NF1: variants seen among roughly 807,000 people sequenced by gnomAD.
NF1 encodes neurofibromin.
A neutral mutation model predicts 325.7 loss-of-function variants in NF1; 122 were observed. The ratio of observed to expected loss-of-function variants is 0.37; its 90% CI spans 0.32 to 0.44. The LOEUF is 0.44. Among genes scored for constraint, NF1 ranks in the 20% least tolerant of loss-of-function variants. NF1 has a pLI of 1.00. For synonymous variants in NF1, 1,091 were observed against 1,186.0 expected, an observed-to-expected ratio of 0.92 and a Z score of 1.65; for missense variants, 2,140 against 3,415.4, an observed-to-expected ratio of 0.63 and a Z score of 9.31.
At chr17:31,153,050 C>T (rs1257408520) in intron 1 of NF1, among the ~76,000 whole-genome samples, 1 of 151,424 alleles carries the variant, frequency 6.6e-6, no homozygotes, top group East Asian at 1.9e-4. Context: ...TTTCAGAGAT[C>T]TCTTGTTCAT....
intron 36 of NF1, among the ~76,000 whole-genome samples, chr17:31,287,548 G>C (rs1211610780): frequency 9.6e-6 from 1 of 104,542 alleles, no homozygotes; most frequent in East Asian, 6.3e-4. Context: ...ATAACTGTGT[G>C]TGTGTGTGTG....
chr17:31,313,825 CTGAG>C (rs2068953214), intron 36 of NF1, among the ~76,000 whole-genome samples: 1 of 150,974 alleles, frequency 6.6e-6, no homozygotes, highest in African/African-American at 2.4e-5. Flanking sequence ...GCAAGCTGAA[CTGAG>C]TATTTTTTAA....
At chr17:31,369,973 A>G (rs971959613) in intron 57 of NF1, among the ~76,000 whole-genome samples, 2 of 152,146 alleles carry the variant, frequency 1.3e-5, no homozygotes, top group East Asian at 1.9e-4. Flanking sequence ...TTTTCAAGAT[A>G]TATTTTGGTG....
chr17:31,146,501 C>T (rs1916598868), intron 1 of NF1, among the ~76,000 whole-genome samples: 2 of 152,060 alleles, frequency 1.3e-5, no homozygotes. Context: ...AATAAATGGG[C>T]GATAATCAAG....
Position 31,338,820 on chromosome 17 carries a change from G to A in NF1, c.6921+15G>A, listed in dbSNP as rs371470834. The A allele has an allele frequency of 1.3e-6, 2 of 1,484,436 alleles. No homozygotes were observed. The highest frequency in any genetic ancestry group is 1.9e-6 in the Non-Finnish European group (2 of 1,061,880). The allele number at this position is 1,484,436 out of a possible 1,614,324, so 92.0% of individuals were successfully genotyped here. On this transcript the variant is annotated intron_variant, in intron 46 of 57. Transcript: ENST00000358273. The stretch of plus-strand genomic sequence containing the variant: ...TTCTTAATAAGGTAATTACTGTATA[G>A]AAAATGAGTGCATTCATTTTGGGTA...
chr17:31,236,906 T>G (rs1054934953), intron 29 of NF1, among the ~76,000 whole-genome samples: 1 of 152,214 alleles, frequency 6.6e-6, no homozygotes, highest in Non-Finnish European at 1.5e-5. Context: ...GACTGTTTGC[T>G]CTTTTACATT....
chr17:31,213,947 G>A (rs1389570430), intron 12 of NF1, among the ~76,000 whole-genome samples: 1 of 151,958 alleles, frequency 6.6e-6, no homozygotes, highest in Non-Finnish European at 1.5e-5. Context: ...TATTTTAAAT[G>A]GTGTCTTACA....
intron 36 of NF1, chr17:31,295,091 GGA>G: frequency 6.2e-7 from 1 of 1,614,160 alleles, no homozygotes; most frequent in Non-Finnish European, 8.5e-7. Context: ...AGAAGGTAAT[GGA>G]GTCTTTACAT....
chr17:31,286,150 A>G (rs1445445173), intron 36 of NF1, among the ~76,000 whole-genome samples: 1 of 152,094 alleles, frequency 6.6e-6, no homozygotes, highest in Non-Finnish European at 1.5e-5. Flanking sequence ...GCTGGAGTGC[A>G]TTGGGGCAAT....
At chr17:31,096,875 G>A (rs1911772022) in intron 1 of NF1, among the ~76,000 whole-genome samples, 1 of 152,122 alleles carries the variant, frequency 6.6e-6, no homozygotes. Flanking sequence ...GAAGTATAAT[G>A]TTACTGCATA....
At chr17:31,246,456 A>G (rs1242685143) in intron 29 of NF1, among the ~76,000 whole-genome samples, 1 of 152,216 alleles carries the variant, frequency 6.6e-6, no homozygotes, top group Non-Finnish European at 1.5e-5. Context: ...TAATACGTTA[A>G]TTAATATAGA....
intron 36 of NF1, among the ~76,000 whole-genome samples, chr17:31,285,540 G>A (rs982948348): frequency 1.2e-4 from 19 of 152,206 alleles, no homozygotes; most frequent in African/African-American, 4.6e-4. Context: ...TAGTAATACT[G>A]TTTTTTGTTT....
chr17:31,308,266 T>C (rs2068779377), intron 36 of NF1, among the ~76,000 whole-genome samples: 1 of 151,902 alleles, frequency 6.6e-6, no homozygotes, highest in Admixed American at 6.6e-5. Context: ...TCCTCCCGAG[T>C]AGCTGGGACT....
rs1198442598 is a variant in NF1 at position 31,215,874 on chromosome 17, G to T, written c.1527+1289G>T. On this transcript the variant is annotated intron_variant, in intron 13 of 57. Transcript: ENST00000358273. Reference sequence around the variant, plus strand: ...TAACTACATGCCTATGATTCCAAGAGTTCTATGAAACTTCGTGAATTTTTT... The same window carrying T: ...TAACTACATGCCTATGATTCCAAGATTTCTATGAAACTTCGTGAATTTTTT... Among the ~76,000 whole-genome samples the T allele has an allele frequency of 2.1e-4, 32 of 152,142 alleles. 1 individual carries two copies. Among genetic ancestry groups the T allele is most frequent in the Admixed American group, 2.1e-3 (32 of 15,264 alleles).
intron 4 of NF1, among the ~76,000 whole-genome samples, chr17:31,165,194 A>AT (rs768772883): frequency 1.3e-5 from 2 of 152,186 alleles, no homozygotes; most frequent in African/African-American, 2.4e-5. Flanking sequence ...ACTTTATGGG[A>AT]TTTTGCAGCA....
intron 1 of NF1, among the ~76,000 whole-genome samples, chr17:31,125,406 T>G (rs1301385915): frequency 6.6e-6 from 1 of 152,114 alleles, no homozygotes; most frequent in Non-Finnish European, 1.5e-5. Context: ...ACGAACATTG[T>G]TATTCATGTC....
chr17:31,264,430 A>G (rs980969452), intron 35 of NF1, among the ~76,000 whole-genome samples: 3 of 151,994 alleles, frequency 2.0e-5, no homozygotes, highest in African/African-American at 7.2e-5. Context: ...AAAAAAATTA[A>G]ATTTATAGCT....
rs929072269 is a variant in NF1 at position 31,219,627 on chromosome 17, TC to T, written c.1641+515del. ...TAGGTATATCTCCTAATGGTATCCC[TC>T]CCCCCTCCCCCCTAAGTAGTTCTTA... On this transcript the variant is annotated intron_variant, in intron 14 of 57. Coordinates refer to ENST00000358273, the MANE Select transcript of NF1 (RefSeq NM_001042492.3). Among the ~76,000 whole-genome samples, 10 of 101,122 alleles carry T rather than the reference TC, an allele frequency of 9.9e-5. 1 individual carries two copies. The highest frequency in any genetic ancestry group is 3.8e-4 in the African/African-American group (10 of 26,380). The allele number at this position is 101,122 out of a possible 152,430, so 66.3% of individuals were successfully genotyped here.
Position 31,352,325 on chromosome 17 carries a change from C to T in NF1, c.7526C>T (p.Pro2509Leu), listed in dbSNP as rs786202146. Residue 2509 changes from proline to leucine, a missense_variant, in exon 51 of 58, where the codon CCA (proline) becomes CTA (leucine). This residue lies in a region of NF1 where 522 missense variants were observed against 749.0 expected (regional missense o/e 0.70). Coordinates refer to ENST00000358273, the MANE Select transcript of NF1 (RefSeq NM_001042492.3). Reference sequence around the variant, plus strand: ...GAAGGATACCTTGCAGCCACCTATCCAACTGTCGGCCAGACCAGTCCCCGA... The same window carrying T: ...GAAGGATACCTTGCAGCCACCTATCTAACTGTCGGCCAGACCAGTCCCCGA... The part of the protein sequence containing the change: ...GSEGYLAATY[P>L]TVGQTSPRAR... 1.2e-6 allele frequency: 2 copies of T among 1,614,106 alleles called. No homozygotes were observed. Among genetic ancestry groups the T allele is most frequent in the Non-Finnish European group, 1.7e-6 (2 of 1,180,004 alleles).
Sources: allele counts gnomAD v4.1 joint callset (sites outside exome capture counted in the v4.1 genomes callset), GRCh38; gene constraint gnomAD v4.1.1; regional missense constraint gnomAD v4.1.1; transcripts MANE v1.5; gene names NCBI Gene and HGNC (gene_info 2026-07-23, HGNC 2026-07-21).